DRG1: variants seen among roughly 807,000 people sequenced by gnomAD.
DRG1 encodes the protein developmentally-regulated GTP-binding protein 1.
In DRG1, 19 loss-of-function variants were observed where a neutral mutation model predicts 38.8. That is an observed-to-expected ratio of 0.49 (90% CI 0.34 to 0.72). The LOEUF (loss-of-function observed/expected upper bound fraction) is 0.72, where lower values mean the gene tolerates loss of function less well. Among genes scored for constraint, DRG1 ranks in the 30% least tolerant of loss-of-function variants. The probability of loss-of-function intolerance (pLI) is 0.01; values close to 1 mark genes in which losing one functional copy is unlikely to be tolerated. For missense variants in DRG1, 299 were observed against 444.8 expected, an observed-to-expected ratio of 0.67 and a Z score of 2.95; for synonymous variants, 167 against 157.5, an observed-to-expected ratio of 1.06 and a Z score of -0.45.
intron 2 of DRG1, among the ~76,000 whole-genome samples, chr22:31,402,640 C>G (rs1244024397): frequency 6.6e-6 from 1 of 151,512 alleles, no homozygotes; most frequent in African/African-American, 2.4e-5. Flanking sequence ...TCTGAAGTAG[C>G]TGAGACCTAC....
chr22:31,420,953 G>A (rs772071508), intron 5 of DRG1, among the ~76,000 whole-genome samples: 4 of 152,070 alleles, frequency 2.6e-5, no homozygotes, highest in Admixed American at 2.0e-4. Context: ...TTTTAAGAAC[G>A]TTGGTCAGGG....
intron 1 of DRG1, 52 bp from the exon 2 acceptor site, chr22:31,400,568 T>G (rs2049955336): frequency 6.3e-7 from 1 of 1,595,314 alleles, no homozygotes; most frequent in Admixed American, 1.7e-5. Flanking sequence ...CTCTCAAAGC[T>G]GGGGGAAGCG....
chr22:31,427,286 G>A, intron 8 of DRG1, 104 bp downstream of exon 8: 8 of 1,417,524 alleles, frequency 5.6e-6, no homozygotes, highest in Non-Finnish European at 7.5e-6. Flanking sequence ...CAGGAAGGAG[G>A]CTACTGAAAT....
chr22:31,409,310 C>T lies in DRG1; in HGVS notation c.343-1702C>T, dbSNP rs115916855. The stretch of plus-strand genomic sequence containing the variant: ...ATGTTGGCTAGGATGGTCTCGAACT[C>T]CTGAGCTCAAGCAATCTGCCTGCTT... On this transcript the variant is annotated intron_variant, in intron 3 of 8. Coordinates refer to ENST00000331457, the MANE Select transcript of DRG1 (RefSeq NM_004147.4). Among the ~76,000 whole-genome samples the T allele has an allele frequency of 4.1e-3, 626 of 152,108 alleles. 1 individual carries two copies. Among genetic ancestry groups the T allele is most frequent in the African/African-American group, 0.015 (607 of 41,488 alleles).
At chr22:31,431,389 A>T (rs1017054309) in intron 8 of DRG1, among the ~76,000 whole-genome samples, 1 of 152,148 alleles carries the variant, frequency 6.6e-6, no homozygotes, top group South Asian at 2.1e-4. Context: ...AAATAGGGCT[A>T]GGTGTGGTAG....
intron 4 of DRG1, among the ~76,000 whole-genome samples, chr22:31,418,373 A>G (rs1487195515): frequency 6.6e-6 from 1 of 152,098 alleles, no homozygotes; most frequent in Non-Finnish European, 1.5e-5. Flanking sequence ...CAGGATGATC[A>G]GTTGAGCCCA....
At chr22:31,407,450 C>T (rs924218261) in intron 3 of DRG1, among the ~76,000 whole-genome samples, 4 of 152,092 alleles carry the variant, frequency 2.6e-5, no homozygotes, top group Non-Finnish European at 5.9e-5. Flanking sequence ...ATCCTCCCAC[C>T]GTAGCCTTCC....
intron 2 of DRG1, among the ~76,000 whole-genome samples, chr22:31,402,162 A>G (rs1222316445): frequency 6.6e-6 from 1 of 152,198 alleles, no homozygotes; most frequent in African/African-American, 2.4e-5. Context: ...TGCAAAGGGA[A>G]AACGTAGGAA....
At chr22:31,408,863 G>C (rs953633480) in intron 3 of DRG1, among the ~76,000 whole-genome samples, 14 of 151,288 alleles carry the variant, frequency 9.3e-5, no homozygotes, top group African/African-American at 2.7e-4. Flanking sequence ...GTAGACCCTT[G>C]GTATTTTTAG....
At chr22:31,415,036 C>T (rs943945252) in intron 4 of DRG1, among the ~76,000 whole-genome samples, 6 of 152,074 alleles carry the variant, frequency 3.9e-5, no homozygotes, top group Non-Finnish European at 7.4e-5. Flanking sequence ...CTCAGCTTCC[C>T]GAGTAGCTGG....
At position 31,420,295 on chromosome 22, in the gene DRG1, T is replaced by C. The variant is rs1474833022; in HGVS notation, c.452T>C (p.Val151Ala). Residue 151 changes from valine (V) to alanine (A), a missense_variant, in exon 5 of 9, where the codon GTC (valine) becomes GCC (alanine). This residue lies in a region of DRG1 where 198 missense variants were observed against 268.1 expected (regional missense o/e 0.74). Transcript: ENST00000331457. Reference sequence around the variant, plus strand: ...AACTTGATCTTGATTGTTCTGGATGTCCTGAAACCTTTGGGACATAAGAAG... The same window carrying C: ...AACTTGATCTTGATTGTTCTGGATGCCCTGAAACCTTTGGGACATAAGAAG... Reference protein sequence around the residue: ...TCNLILIVLDVLKPLGHKKII... With the variant: ...TCNLILIVLDALKPLGHKKII... 6.2e-7 allele frequency: 1 copy of C among 1,614,194 alleles called. No homozygotes were observed.
intron 8 of DRG1, among the ~76,000 whole-genome samples, chr22:31,430,482 C>T (rs1201196854): frequency 6.6e-6 from 1 of 151,766 alleles, no homozygotes; most frequent in Non-Finnish European, 1.5e-5. Context: ...TCACTGCAAG[C>T]TCTGCTTCCC....
intron 4 of DRG1, among the ~76,000 whole-genome samples, chr22:31,415,730 G>A (rs1261284247): frequency 6.6e-6 from 1 of 152,072 alleles, no homozygotes; most frequent in Non-Finnish European, 1.5e-5. Flanking sequence ...TTAGGTCTTA[G>A]ATATAGTCTC....
intron 2 of DRG1, among the ~76,000 whole-genome samples, chr22:31,402,560 G>T (rs1158191765): frequency 7.0e-6 from 1 of 142,902 alleles, no homozygotes; most frequent in African/African-American, 2.6e-5. Context: ...CCAGGCTGGA[G>T]TACAGTGGTG....
intron 2 of DRG1, among the ~76,000 whole-genome samples, chr22:31,401,300 A>C (rs1333271003): frequency 6.6e-6 from 1 of 150,768 alleles, no homozygotes; most frequent in Admixed American, 6.6e-5. Context: ...AAAAAAAAAA[A>C]GGCTGGGTGC....
At chr22:31,400,577 C>T (rs11704156) in intron 1 of DRG1, 43 bp from the exon 2 acceptor site, 106,297 of 1,597,322 alleles carry the variant, frequency 0.067, 4,217 homozygotes, top group Admixed American at 0.18. Context: ...CTGGGGGAAG[C>T]GTTCACTGCT....
At chr22:31,430,770 G>T (rs1206282735) in intron 8 of DRG1, among the ~76,000 whole-genome samples, 1 of 151,990 alleles carries the variant, frequency 6.6e-6, no homozygotes, top group Non-Finnish European at 1.5e-5. Flanking sequence ...CCAGGCTGGA[G>T]TGCGGTGGCT....
intron 4 of DRG1, among the ~76,000 whole-genome samples, chr22:31,413,123 C>G (rs915283530): frequency 6.6e-6 from 1 of 152,092 alleles, no homozygotes; most frequent in Non-Finnish European, 1.5e-5. Context: ...AAGATAGAGT[C>G]TCACTCTGTC....
At chr22:31,425,047 C>G (rs1287921406) in intron 6 of DRG1, among the ~76,000 whole-genome samples, 1 of 152,026 alleles carries the variant, frequency 6.6e-6, no homozygotes, top group Non-Finnish European at 1.5e-5. Context: ...CTGCCTGCCT[C>G]TGCCTCCCAA....
Sources: gnomAD v4.1 joint callset for allele counts (sites outside exome capture counted in the v4.1 genomes callset) on GRCh38, gnomAD v4.1.1 for gene constraint, gnomAD v4.1.1 regional missense constraint, MANE v1.5 for transcripts, NCBI Gene and HGNC (gene_info 2026-07-23, HGNC 2026-07-21) for gene names.